The following TSC1 variants were observed in gnomAD, a reference collection of about 807,000 sequenced individuals.
TSC1 encodes hamartin.
Under a neutral mutation model 124.3 loss-of-function variants are expected in TSC1, and 20 were observed. The ratio of observed to expected loss-of-function variants is 0.16; its 90% CI spans 0.11 to 0.23. TSC1 has a LOEUF of 0.23. TSC1 is among the 10% of genes least tolerant of loss of function. The pLI, the probability that TSC1 is intolerant of heterozygous loss-of-function variation, is 1.00. For synonymous variants in TSC1, 493 were observed against 539.1 expected (o/e 0.91, Z 1.19); for missense variants, 1,124 against 1,448.5 (o/e 0.78, Z 3.64).
chr9:132,920,953 A>T (rs1846516703), intron 8 of TSC1, among the ~76,000 whole-genome samples: 1 of 151,408 alleles, frequency 6.6e-6, no homozygotes, highest in African/African-American at 2.4e-5. Context: ...TGGAGAAAGG[A>T]CCTCAGGGAC....
In TSC1 at chr9:132,912,369, A is replaced by G. The variant is rs774009225; in HGVS notation, c.826T>C (p.Ser276Pro). Residue 276 changes from serine to proline, a missense_variant, in exon 9 of 23, where the codon TCT (serine) becomes CCT (proline). Ser to Pro is a moderately conservative substitution (Grantham distance 74). Coordinates refer to ENST00000298552, the MANE Select transcript of TSC1 (RefSeq NM_000368.5). ...CGGGCTGAGATTTGGTGAGACACAG[A>G]ATAGCCATCTTCATATGAGGCTTCT... ...PTEASYEDGY[S>P]VSHQISARFP... 4 of 1,614,202 alleles carry G rather than the reference A, an allele frequency of 2.5e-6. No homozygotes were observed. The highest frequency in any genetic ancestry group is 1.7e-5 in the Admixed American group (1 of 60,022).
At chr9:132,898,802 C>T (rs1845219915) in intron 20 of TSC1, among the ~76,000 whole-genome samples, 1 of 152,230 alleles carries the variant, frequency 6.6e-6, no homozygotes, top group Admixed American at 6.5e-5. Context: ...GCAACCCTAG[C>T]TCCAGGTTCA....
chr9:132,904,536 T>G, intron 15 of TSC1, 82 bp from the exon 16 acceptor site: 1 of 1,376,232 alleles, frequency 7.3e-7, no homozygotes, highest in African/African-American at 1.4e-5. Context: ...GCAGCAAAGT[T>G]AGATCACTTC....
intron 12 of TSC1, among the ~76,000 whole-genome samples, chr9:132,907,898 G>A (rs944601952): frequency 1.3e-5 from 2 of 152,216 alleles, no homozygotes; most frequent in South Asian, 2.1e-4. Context: ...ACTAGCCTGG[G>A]GAACATGGCA....
At position 132,891,917 on chromosome 9, in the gene TSC1, T is replaced by A. The variant is rs1457396439; in HGVS notation, c.*4318A>T. 4.3e-6 allele frequency: 1 copy of A among 233,498 alleles called. No homozygotes were observed. The highest frequency in any genetic ancestry group is 8.5e-6 in the Non-Finnish European group (1 of 117,992). The allele number at this position is 233,498 out of a possible 1,614,324, so 14.5% of individuals were successfully genotyped here. On this transcript the variant is annotated 3_prime_UTR_variant, in exon 23 of 23. Transcript: ENST00000298552. ...TGGGGGTTCTCAGACTCTCAGGGTT[T>A]CCACTGAAAGGTCCATTCCAATGGT...
At chr9:132,919,097 C>A (rs144692682) in intron 8 of TSC1, among the ~76,000 whole-genome samples, 1 of 152,328 alleles carries the variant, frequency 6.6e-6, no homozygotes, top group East Asian at 1.9e-4. Flanking sequence ...GGCTACAAAC[C>A]TGCACAGCAT....
Position 132,928,938 on chromosome 9 carries a change from G to A in TSC1, c.-66C>T. The A allele has an allele frequency of 1.2e-6, 2 of 1,607,484 alleles. No individual in the cohort carries two copies. Among genetic ancestry groups the A allele is most frequent in the Non-Finnish European group, 1.7e-6 (2 of 1,177,684 alleles). On this transcript the variant is annotated 5_prime_UTR_variant, in exon 3 of 23. Transcript: ENST00000298552. Reference sequence around the variant, plus strand: ...CTACAGGTTCTGAAGGTTCTTCATTGGGGCCACTACCAAACTGAGAAAAAG... The same window carrying A: ...CTACAGGTTCTGAAGGTTCTTCATTAGGGCCACTACCAAACTGAGAAAAAG...
chr9:132,907,380 TA>T lies in TSC1; in HGVS notation c.1264-11del. 6.2e-7 allele frequency: 1 copy of T among 1,610,470 alleles called. No individual in the cohort carries two copies. The highest frequency in any genetic ancestry group is 8.5e-7 in the Non-Finnish European group (1 of 1,176,626). On this transcript the variant is annotated splice_polypyrimidine_tract_variant and intron_variant, in intron 12 of 22. Transcript: ENST00000298552. ...AATCCATTCTCTCTTCCTGAAAAGATAAGTATCATTTATATCACAAGACGAA... is the reference window on the plus strand; with the variant it reads ...AATCCATTCTCTCTTCCTGAAAAGATAGTATCATTTATATCACAAGACGAA...
intron 1 of TSC1, among the ~76,000 whole-genome samples, chr9:132,938,825 T>C (rs571443049): frequency 3.9e-5 from 6 of 152,304 alleles, no homozygotes; most frequent in African/African-American, 1.4e-4. Flanking sequence ...AGGTGAATAT[T>C]CGAATTTTTC....
chr9:132,932,563 C>T (rs1200153482), intron 2 of TSC1, among the ~76,000 whole-genome samples: 1 of 152,130 alleles, frequency 6.6e-6, no homozygotes, highest in Non-Finnish European at 1.5e-5. Context: ...CAATGGCTTC[C>T]CATGGAATTA....
intron 8 of TSC1, among the ~76,000 whole-genome samples, chr9:132,916,878 T>C (rs2132071328): frequency 6.6e-6 from 1 of 152,308 alleles, no homozygotes; most frequent in African/African-American, 2.4e-5. Context: ...ACGGTCATGA[T>C]CAGGCCCCAG....
chr9:132,936,415 C>T (rs2132412291), intron 1 of TSC1, among the ~76,000 whole-genome samples: 1 of 152,288 alleles, frequency 6.6e-6, no homozygotes, highest in African/African-American at 2.4e-5. Flanking sequence ...CTGCACCTGG[C>T]CAGTATTTCT....
chr9:132,900,794 T>G lies in TSC1; in HGVS notation c.2546A>C (p.Asn849Thr). 1.2e-6 allele frequency: 2 copies of G among 1,614,136 alleles called. No individual in the cohort carries two copies. Among genetic ancestry groups the G allele is most frequent in the East Asian group, 4.5e-5 (2 of 44,892 alleles). ...ESVQQQMEFLNRQLLVLGEVN... is the reference protein window; with the variant it reads ...ESVQQQMEFLTRQLLVLGEVN... ...CTCCCCAAGAACCAACAGCTGCCTG[T>G]TCAAGAACTCCATCTGCTGCTGGAC... The change falls in exon 20 of 23, where the codon AAC (asparagine) becomes ACC (threonine). Residue 849 changes from asparagine to threonine, a missense_variant. Physicochemically the swap from Asn to Thr is moderately conservative, Grantham distance 65. This residue lies in a region of TSC1 where 6 missense variants were observed against 26.6 expected (regional missense o/e 0.23). Coordinates refer to ENST00000298552, the MANE Select transcript of TSC1 (RefSeq NM_000368.5).
chr9:132,928,688 T>C, intron 3 of TSC1, 79 bp downstream of exon 3: 1 of 1,574,672 alleles, frequency 6.4e-7, no homozygotes, highest in Non-Finnish European at 8.6e-7. Flanking sequence ...AACTAAAATG[T>C]ATCAGCAGGA....
rs1588325018 is a variant in TSC1 at position 132,911,575 on chromosome 9, T to C, written c.914-7A>G. 7.4e-7 allele frequency: 1 copy of C among 1,343,828 alleles called. No homozygotes were observed. The highest frequency in any genetic ancestry group is 1.0e-6 in the Non-Finnish European group (1 of 1,002,256). The allele number at this position is 1,343,828 out of a possible 1,614,324, so 83.2% of individuals were successfully genotyped here. ...GGGGTAGAAGTAGCACACCCTAAAA[T>C]GGAAGAGAAGAACACAGGGGGTTAG... On this transcript the variant is annotated splice_region_variant and splice_polypyrimidine_tract_variant and intron_variant, in intron 9 of 22. Coordinates refer to ENST00000298552, the MANE Select transcript of TSC1 (RefSeq NM_000368.5).
chr9:132,927,880 G>A (rs1026657554), intron 3 of TSC1, among the ~76,000 whole-genome samples: 10 of 152,094 alleles, frequency 6.6e-5, no homozygotes, highest in African/African-American at 2.4e-4. Context: ...AAACATTCAG[G>A]CTATGTAAAA....
In TSC1 at chr9:132,906,883, C is replaced by T. The variant is rs528537051; in HGVS notation, c.1334-48G>A. 9.1e-5 allele frequency: 133 copies of T among 1,468,442 alleles called. No individual in the cohort carries two copies. Among genetic ancestry groups the T allele is most frequent in the Non-Finnish European group, 1.2e-4 (127 of 1,049,410 alleles). 91.0% of individuals were successfully genotyped at this position (1,468,442 alleles called of 1,614,324 possible). A position where few individuals can be genotyped will look rare whatever the true frequency, so the allele number is the denominator to read the frequency against. ...GAAGTCAAAGAAATACAGTGTAATC[C>T]CTGTAAGTGTAAAACTGCTTACACT... On this transcript the variant is annotated intron_variant, in intron 13 of 22. Transcript: ENST00000298552. This position sits in a 1 kb window ranked among gnomAD's most constrained non-coding sequence, Gnocchi z 4.1.
chr9:132,931,171 C>G (rs567004949), intron 2 of TSC1: 1 of 152,144 alleles, frequency 6.6e-6, no homozygotes, highest in African/African-American at 2.4e-5. Context: ...GTATCTTGTC[C>G]CTAAGTTTGG....
chr9:132,910,765 C>G (rs574782020), intron 11 of TSC1, 73 bp from the exon 12 acceptor site: 6 of 1,598,424 alleles, frequency 3.8e-6, no homozygotes, highest in Middle Eastern at 2.2e-4. Context: ...TTTTTTCAGC[C>G]TATAACTATT....
Sources: gnomAD v4.1 joint callset for allele counts (sites outside exome capture counted in the v4.1 genomes callset) on GRCh38, gnomAD v4.1.1 for gene constraint, gnomAD v4.1.1 regional missense constraint, Gnocchi (gnomAD v3.1) non-coding constraint, MANE v1.5 for transcripts, NCBI Gene and HGNC (gene_info 2026-07-23, HGNC 2026-07-21) for gene names.